The following PTPRD variants were observed in gnomAD, a reference collection of about 807,000 sequenced individuals.
The protein encoded by PTPRD is protein tyrosine phosphatase receptor type D, also known as receptor-type tyrosine-protein phosphatase delta.
PTPRD carries 34 observed loss-of-function variants against 214.5 expected under a neutral mutation model. That is an observed-to-expected ratio of 0.16 (90% CI 0.12 to 0.21). The LOEUF is 0.21. PTPRD is among the 10% of genes least tolerant of loss of function. PTPRD has a pLI of 1.00. For missense variants in PTPRD, 2,545 were observed against 2,398.7 expected, an observed-to-expected ratio of 1.06 and a Z score of -1.27; for synonymous variants, 1,128 against 845.7, an observed-to-expected ratio of 1.33 and a Z score of -5.79.
At chr9:8,768,712 C>T (rs943294977) in intron 11 of PTPRD, among the ~76,000 whole-genome samples, 2 of 152,046 alleles carry the variant, frequency 1.3e-5, no homozygotes, top group African/African-American at 4.8e-5. Context: ...ACTTACTTTC[C>T]TTCTAATAAT....
chr9:9,279,609 A>G (rs1020363837), intron 9 of PTPRD, among the ~76,000 whole-genome samples: 1 of 150,674 alleles, frequency 6.6e-6, no homozygotes, highest in Non-Finnish European at 1.5e-5. Context: ...GGATTTCACT[A>G]AAAGGTAACT....
chr9:10,412,661 C>G (rs1298900097), intron 2 of PTPRD, among the ~76,000 whole-genome samples: 1 of 148,702 alleles, frequency 6.7e-6, no homozygotes, highest in East Asian at 2.0e-4. Context: ...CACACACACA[C>G]ACACCCCTTG....
intron 39 of PTPRD, among the ~76,000 whole-genome samples, chr9:8,368,495 A>G (rs1421321429): frequency 6.6e-6 from 1 of 152,062 alleles, no homozygotes; most frequent in African/African-American, 2.4e-5. Context: ...TTGAAGTTAG[A>G]TAGTATTGTA....
intron 2 of PTPRD, among the ~76,000 whole-genome samples, chr9:10,540,174 C>T (rs1159855346): frequency 6.6e-6 from 1 of 152,098 alleles, no homozygotes; most frequent in African/African-American, 2.4e-5. Flanking sequence ...GGACAACTGG[C>T]GTGCACCACT....
intron 36 of PTPRD, among the ~76,000 whole-genome samples, chr9:8,400,862 G>C (rs1287413599): frequency 6.6e-6 from 1 of 152,146 alleles, no homozygotes; most frequent in Non-Finnish European, 1.5e-5. Flanking sequence ...TAAAACAACG[G>C]ATAAGGAAAC....
chr9:9,159,770 G>T (rs185240959), intron 10 of PTPRD, among the ~76,000 whole-genome samples: 322 of 152,174 alleles, frequency 2.1e-3, no homozygotes, highest in African/African-American at 7.4e-3. Context: ...TGAGCAAAAA[G>T]AATAAAATAG....
At chr9:10,520,157 C>A (rs2051672706) in intron 2 of PTPRD, among the ~76,000 whole-genome samples, 2 of 152,072 alleles carry the variant, frequency 1.3e-5, no homozygotes, top group Admixed American at 1.3e-4. Context: ...CCTCTTGTGC[C>A]AGTTTGTCAA....
chr9:8,825,852 G>T (rs1164481935), intron 11 of PTPRD, among the ~76,000 whole-genome samples: 1 of 152,170 alleles, frequency 6.6e-6, no homozygotes, highest in African/African-American at 2.4e-5. Context: ...TGGCGCCAGT[G>T]AGAGTGTAGC....
chr9:10,141,010 C>A (rs1214589006), intron 3 of PTPRD, among the ~76,000 whole-genome samples: 1 of 152,058 alleles, frequency 6.6e-6, no homozygotes, highest in Non-Finnish European at 1.5e-5. Flanking sequence ...ACATGATTAT[C>A]TCAATAGATG....
At chr9:8,802,479 AAAAG>A (rs2096591676) in intron 11 of PTPRD, among the ~76,000 whole-genome samples, 1 of 152,322 alleles carries the variant, frequency 6.6e-6, no homozygotes, top group East Asian at 1.9e-4. Flanking sequence ...AAGGAATCAC[AAAAG>A]AAAGTGAAAG....
rs1426671700 is a variant in PTPRD at position 8,486,206 on chromosome 9, G to A, written c.2611C>T (p.Leu871Phe). 1.2e-6 allele frequency: 2 copies of A among 1,614,216 alleles called. No homozygotes were observed. The highest frequency in any genetic ancestry group is 1.7e-5 in the Admixed American group (1 of 60,034). Residue 871 changes from leucine (L) to phenylalanine (F), a missense_variant, in exon 28 of 46, where the codon CTT becomes TTT. Leu to Phe is a conservative substitution (Grantham distance 22). Transcript: ENST00000381196. Reference protein sequence around the residue: ...GRKDMEPLTTLEFSEKEDHFT... With the variant: ...GRKDMEPLTTFEFSEKEDHFT... ...TGATCTTCTTTTTCAGAGAACTCAA[G>A]AGTAGTAAGTGGCTCCATATCCTTG...
At chr9:8,489,198 T>C (rs556160438) in intron 27 of PTPRD, among the ~76,000 whole-genome samples, 3 of 152,314 alleles carry the variant, frequency 2.0e-5, no homozygotes, top group Admixed American at 6.5e-5. Flanking sequence ...ACTGACTTTG[T>C]AGATGTATAC....
At chr9:10,462,244 TTCTC>T (rs1343777157) in intron 2 of PTPRD, among the ~76,000 whole-genome samples, 4 of 152,258 alleles carry the variant, frequency 2.6e-5, no homozygotes, top group South Asian at 2.1e-4. Context: ...AAAATTGCCT[TTCTC>T]TCTTAAGGAA....
At chr9:9,562,109 C>T (rs2083123627) in intron 8 of PTPRD, among the ~76,000 whole-genome samples, 1 of 152,098 alleles carries the variant, frequency 6.6e-6, no homozygotes, top group South Asian at 2.1e-4. Flanking sequence ...CTGTGTCCCC[C>T]ATATCTGTTT....
At chr9:10,427,286 C>T (rs1409636506) in intron 2 of PTPRD, among the ~76,000 whole-genome samples, 1 of 152,046 alleles carries the variant, frequency 6.6e-6, no homozygotes, top group Non-Finnish European at 1.5e-5. Context: ...CAAACAAATA[C>T]AGTGTAAGCA....
chr9:10,178,980 T>TA (rs145239407), intron 3 of PTPRD, among the ~76,000 whole-genome samples: 8,023 of 151,906 alleles, frequency 0.053, 297 homozygotes, highest in Admixed American at 0.1. Flanking sequence ...TTTCTAGAAT[T>TA]AAAAAATAAA....
intron 2 of PTPRD, among the ~76,000 whole-genome samples, chr9:10,460,401 C>T (rs73390374): frequency 0.022 from 3,324 of 148,408 alleles, 105 homozygotes; most frequent in African/African-American, 0.07. Flanking sequence ...TATGAAACCA[C>T]AAAAGATCTT....
intron 19 of PTPRD, 107 bp from the exon 20 acceptor site, chr9:8,521,653 G>A (rs2097892851): frequency 4.5e-6 from 6 of 1,320,332 alleles, no homozygotes; most frequent in Non-Finnish European, 6.2e-6. Flanking sequence ...TTGAAACATT[G>A]TGGATTGTCC....
At chr9:8,442,181 A>C (rs1461910430) in intron 34 of PTPRD, among the ~76,000 whole-genome samples, 1 of 152,246 alleles carries the variant, frequency 6.6e-6, no homozygotes, top group African/African-American at 2.4e-5. Flanking sequence ...TAAAATGTTA[A>C]AAACTGGAAT....
Sources: allele counts gnomAD v4.1 joint callset (sites outside exome capture counted in the v4.1 genomes callset), GRCh38; gene constraint gnomAD v4.1.1; transcripts MANE v1.5; gene names NCBI Gene and HGNC (gene_info 2026-07-23, HGNC 2026-07-21).